PCDH15: variants seen among roughly 807,000 people sequenced by gnomAD.
The protein encoded by PCDH15 is protocadherin related 15, also known as protocadherin-15.
A neutral mutation model predicts 178.5 loss-of-function variants in PCDH15; 129 were observed. The observed-to-expected ratio is 0.72, with a 90% confidence interval of 0.63 to 0.84. The LOEUF (loss-of-function observed/expected upper bound fraction) is 0.84, where lower values mean the gene tolerates loss of function less well. Among genes scored for constraint, PCDH15 ranks in the 40% least tolerant of loss-of-function variants. The pLI, the probability that PCDH15 is intolerant of heterozygous loss-of-function variation, is 0.00. For missense variants in PCDH15, 2,230 were observed against 2,099.9 expected (o/e 1.06, Z -1.21); for synonymous variants, 800 against 732.0 (o/e 1.09, Z -1.50).
chr10:55,383,162 G>A (rs986648433), intron 2 of PCDH15, among the ~76,000 whole-genome samples: 3 of 152,160 alleles, frequency 2.0e-5, no homozygotes, highest in African/African-American at 7.2e-5. Context: ...GATGGTATGG[G>A]AAGAAGGGGA....
chr10:54,285,147 T>C (rs890004614), intron 8 of PCDH15, among the ~76,000 whole-genome samples: 1 of 152,188 alleles, frequency 6.6e-6, no homozygotes, highest in Non-Finnish European at 1.5e-5. Flanking sequence ...TGGAATTCAT[T>C]TGAGAAGTCA....
chr10:53,995,476 T>C, intron 21 of PCDH15, 173 bp downstream of exon 21: 1 of 1,182,812 alleles, frequency 8.5e-7, no homozygotes, highest in Non-Finnish European at 1.2e-6. Flanking sequence ...ATAATAGTCA[T>C]CTGAAATATG....
At chr10:53,991,597 A>G (rs1257966802) in intron 21 of PCDH15, among the ~76,000 whole-genome samples, 1 of 151,738 alleles carries the variant, frequency 6.6e-6, no homozygotes, top group African/African-American at 2.4e-5. Context: ...TAGCTAAAGG[A>G]CTGTAAATGC....
At chr10:55,273,357 T>C (rs1392823956) in intron 1 of PCDH15, among the ~76,000 whole-genome samples, 1 of 152,126 alleles carries the variant, frequency 6.6e-6, no homozygotes, top group Non-Finnish European at 1.5e-5. Context: ...ACCTCTTACC[T>C]AGACTTTGGT....
chr10:54,146,127 A>C (rs537522138), intron 14 of PCDH15, among the ~76,000 whole-genome samples: 3 of 140,088 alleles, frequency 2.1e-5, no homozygotes, highest in African/African-American at 7.4e-5. Flanking sequence ...TAAATGAATA[A>C]ATAAATAGCC....
chr10:54,720,059 G>A (rs1004573860), intron 1 of PCDH15, among the ~76,000 whole-genome samples: 1 of 152,034 alleles, frequency 6.6e-6, no homozygotes, highest in Admixed American at 6.6e-5. Context: ...TGCTGGTGAG[G>A]CTGTGGAGAA....
chr10:54,659,186 T>C (rs562366069), intron 2 of PCDH15, among the ~76,000 whole-genome samples: 1 of 152,290 alleles, frequency 6.6e-6, no homozygotes, highest in East Asian at 1.9e-4. Context: ...ATTAGTTATA[T>C]AATCTGTCTG....
At chr10:54,945,294 TAAGA>T (rs1288920323) in intron 2 of PCDH15, among the ~76,000 whole-genome samples, 7 of 151,366 alleles carry the variant, frequency 4.6e-5, no homozygotes, top group African/African-American at 1.7e-4. Context: ...CTTAGAATCT[TAAGA>T]GATAGGTGCA....
At chr10:54,836,518 A>G (rs576873981) in intron 3 of PCDH15, among the ~76,000 whole-genome samples, 1 of 152,130 alleles carries the variant, frequency 6.6e-6, no homozygotes, top group Non-Finnish European at 1.5e-5. Flanking sequence ...TGTAATAACT[A>G]AGCAATAAAT....
chr10:54,649,918 C>T (rs1025066895), intron 2 of PCDH15, among the ~76,000 whole-genome samples: 18 of 152,140 alleles, frequency 1.2e-4, no homozygotes, highest in African/African-American at 4.3e-4. Context: ...GCCCTTCTAG[C>T]TGACGCATTT....
Position 54,432,373 on chromosome 10 carries a change from A to G in PCDH15, c.158-53431T>C, listed in dbSNP as rs12765880. Among the ~76,000 whole-genome samples, 768 of 152,196 alleles carry G rather than the reference A, an allele frequency of 5.0e-3. 11 individuals are homozygous for G. The highest frequency in any genetic ancestry group is 5.9e-3 in the Non-Finnish European group (404 of 68,006). ...TCAAAGCAGCATGGTCTGGGCATAC[A>G]AACAGACACATGGACTAATGAAGCA... On this transcript the variant is annotated intron_variant, in intron 3 of 37. Transcript: ENST00000644397.
chr10:55,602,773 C>T lies in PCDH15; in HGVS notation c.-156+24852G>A, dbSNP rs555264175. On this transcript the variant is annotated intron_variant, in intron 2 of 5. Transcript: ENST00000613346. ...CATCAAAGACCAAAAGTGGATAAAACCACAAAGATGGGGAAAAAACAGAAC... is the reference window on the plus strand; with the variant it reads ...CATCAAAGACCAAAAGTGGATAAAATCACAAAGATGGGGAAAAAACAGAAC... 2.0e-3 allele frequency among the ~76,000 whole-genome samples: 299 copies of T among 152,242 alleles called. 1 individual carries two copies. The highest frequency in any genetic ancestry group is 6.8e-3 in the African/African-American group (283 of 41,544).
At chr10:54,436,090 G>A (rs1254396023) in intron 3 of PCDH15, among the ~76,000 whole-genome samples, 1 of 141,060 alleles carries the variant, frequency 7.1e-6, no homozygotes, top group Non-Finnish European at 1.5e-5. Context: ...AAGGAGGGAA[G>A]GAGGGAAGGA....
intron 20 of PCDH15, among the ~76,000 whole-genome samples, chr10:54,006,550 A>G (rs2092393444): frequency 6.6e-6 from 1 of 152,194 alleles, no homozygotes; most frequent in Admixed American, 6.5e-5. Flanking sequence ...TGGTCTCTCA[A>G]GCATCAGCTT....
At chr10:54,848,492 A>G (rs1465764481) in intron 3 of PCDH15, among the ~76,000 whole-genome samples, 1 of 151,982 alleles carries the variant, frequency 6.6e-6, no homozygotes, top group Non-Finnish European at 1.5e-5. Flanking sequence ...TAGCACACTC[A>G]GCCCGCTTAC....
At chr10:54,313,367 T>C (rs2061025357) in intron 8 of PCDH15, among the ~76,000 whole-genome samples, 1 of 152,132 alleles carries the variant, frequency 6.6e-6, no homozygotes, top group Admixed American at 6.6e-5. Flanking sequence ...CTTGGACTAG[T>C]TCTACTTTGA....
At chr10:53,821,829 T>G (rs551694595) in intron 32 of PCDH15, 1 of 1,610,484 alleles carries the variant, frequency 6.2e-7, no homozygotes, top group South Asian at 1.1e-5. Context: ...CAACAAGAGG[T>G]TTGCCCGACT....
At chr10:55,145,942 G>A (rs1225040718) in intron 2 of PCDH15, among the ~76,000 whole-genome samples, 1 of 151,872 alleles carries the variant, frequency 6.6e-6, no homozygotes, top group Non-Finnish European at 1.5e-5. Flanking sequence ...CTGACCAAAG[G>A]TAAAGTAGAA....
chr10:55,135,915 G>C (rs181459992), intron 2 of PCDH15, among the ~76,000 whole-genome samples: 16 of 152,154 alleles, frequency 1.1e-4, no homozygotes, highest in Admixed American at 5.9e-4. Context: ...TGTTGAATTT[G>C]TATATAGCAT....
Sources: gnomAD v4.1 joint callset for allele counts (sites outside exome capture counted in the v4.1 genomes callset) on GRCh38, gnomAD v4.1.1 for gene constraint, MANE v1.5 for transcripts, NCBI Gene and HGNC (gene_info 2026-07-23, HGNC 2026-07-21) for gene names.